Variants in PPP2R2B observed in about 807,000 individuals in gnomAD.
The protein encoded by PPP2R2B is serine/threonine-protein phosphatase 2A 55 kDa regulatory subunit B beta isoform.
In PPP2R2B, 5 loss-of-function variants were observed where a neutral mutation model predicts 46.0. The observed-to-expected ratio is 0.11, with a 90% CI of 0.06 to 0.23. PPP2R2B has a LOEUF of 0.23. Ranked by LOEUF, PPP2R2B falls within the 10% of genes least tolerant of loss-of-function variation. PPP2R2B has a pLI of 1.00. For synonymous variants in PPP2R2B, 215 were observed against 206.7 expected (o/e 1.04, Z -0.34); for missense variants, 367 against 575.0 (o/e 0.64, Z 3.70).
Position 146,724,010 on chromosome 5 carries a change from T to C in PPP2R2B, c.71-22868A>G, listed in dbSNP as rs57146550. ...TGAAGGCAGGGATGTTATCTTATTT[T>C]CAATTTTTATATTTAGGACAGTGCC... is the stretch of plus-strand genomic sequence containing the variant. On this transcript the variant is annotated intron_variant, in intron 2 of 9. Coordinates refer to ENST00000394411, the MANE Select transcript of PPP2R2B (RefSeq NM_181675.4). Among the ~76,000 whole-genome samples the C allele has an allele frequency of 3.6e-3, 541 of 152,302 alleles. 6 individuals are homozygous for C. The highest frequency in any genetic ancestry group is 0.013 in the African/African-American group (520 of 41,560).
At chr5:146,871,672 G>A (rs1761624231) in intron 2 of PPP2R2B, among the ~76,000 whole-genome samples, 4 of 152,152 alleles carry the variant, frequency 2.6e-5, no homozygotes, top group Admixed American at 2.6e-4. Context: ...CCGACCAGGC[G>A]CCAATGGGAT....
At chr5:146,811,621 C>T (rs1433467230) in intron 2 of PPP2R2B, among the ~76,000 whole-genome samples, 7 of 133,476 alleles carry the variant, frequency 5.2e-5, no homozygotes, top group Middle Eastern at 4.8e-3. Flanking sequence ...AGTGCAGTGG[C>T]GCGATCTCGG....
chr5:146,841,560 A>G (rs1360054614), intron 2 of PPP2R2B, among the ~76,000 whole-genome samples: 1 of 152,234 alleles, frequency 6.6e-6, no homozygotes, highest in African/African-American at 2.4e-5. Context: ...AATGGGAGAT[A>G]AAGAAAATGT....
chr5:146,911,895 G>A (rs1763195782), intron 1 of PPP2R2B, among the ~76,000 whole-genome samples: 1 of 152,180 alleles, frequency 6.6e-6, no homozygotes, highest in Non-Finnish European at 1.5e-5. Context: ...AGTGGAGGAC[G>A]AATCACATGC....
chr5:146,666,035 G>T (rs1172751019), intron 5 of PPP2R2B, among the ~76,000 whole-genome samples: 2 of 152,214 alleles, frequency 1.3e-5, no homozygotes, highest in African/African-American at 4.8e-5. Flanking sequence ...CTGTATGTCT[G>T]AGAACACGTA....
At chr5:146,770,894 C>T (rs138288843) in intron 2 of PPP2R2B, among the ~76,000 whole-genome samples, 31 of 152,282 alleles carry the variant, frequency 2.0e-4, no homozygotes, top group African/African-American at 6.7e-4. Context: ...TTACAGAGAA[C>T]AACCTATTTA....
intron 2 of PPP2R2B, among the ~76,000 whole-genome samples, chr5:146,821,178 C>A (rs1272598557): frequency 6.6e-6 from 1 of 152,120 alleles, no homozygotes; most frequent in Non-Finnish European, 1.5e-5. Context: ...ATATATATAT[C>A]CACAGACAAC....
rs186850055 is a variant in PPP2R2B at position 146,630,692 on chromosome 5, C to T, written c.790+7559G>A. On this transcript the variant is annotated intron_variant, in intron 7 of 9. Transcript: ENST00000394411. ...ATGTCATGGAAGTTAGCTGTGAATA[C>T]GGCTGTTGACATTACTACTTTTATG... 4.1e-3 allele frequency among the ~76,000 whole-genome samples: 620 copies of T among 152,258 alleles called. 5 individuals carry two copies. Among genetic ancestry groups the T allele is most frequent in the African/African-American group, 0.014 (583 of 41,554 alleles).
At chr5:146,750,383 G>A (rs1196207002) in intron 2 of PPP2R2B, among the ~76,000 whole-genome samples, 1 of 152,082 alleles carries the variant, frequency 6.6e-6, no homozygotes, top group Non-Finnish European at 1.5e-5. Flanking sequence ...TATCAATTTG[G>A]GAAGAATTAA....
intron 2 of PPP2R2B, among the ~76,000 whole-genome samples, chr5:146,828,967 C>A (rs1452995260): frequency 6.6e-6 from 1 of 152,140 alleles, no homozygotes; most frequent in Non-Finnish European, 1.5e-5. Flanking sequence ...TACAGGACAG[C>A]CTTCCGAATC....
chr5:147,031,702 T>G (rs150213801), intron 1 of PPP2R2B, among the ~76,000 whole-genome samples: 39 of 152,200 alleles, frequency 2.6e-4, no homozygotes, highest in African/African-American at 7.0e-4. Context: ...CTTAGGCACA[T>G]AGACCAATGG....
At chr5:146,707,839 C>T (rs1049910339) in intron 2 of PPP2R2B, among the ~76,000 whole-genome samples, 1 of 152,182 alleles carries the variant, frequency 6.6e-6, no homozygotes, top group Admixed American at 6.5e-5. Flanking sequence ...TCTCTATAGA[C>T]AAAAGTTTAT....
intron 1 of PPP2R2B, among the ~76,000 whole-genome samples, chr5:146,956,373 G>A (rs901037916): frequency 6.6e-6 from 1 of 152,076 alleles, no homozygotes; most frequent in African/African-American, 2.4e-5. Context: ...CAACTATGTG[G>A]AACTGTCATC....
chr5:146,878,397 T>TAC lies in PPP2R2B; in HGVS notation c.-125+193_-125+194insGT. The TAC allele has an allele frequency of 7.3e-7, 1 of 1,370,546 alleles. No homozygotes were observed. The highest frequency in any genetic ancestry group is 9.5e-7 in the Non-Finnish European group (1 of 1,047,786). The allele number at this position is 1,370,546 out of a possible 1,614,324, so 84.9% of individuals were successfully genotyped here. On this transcript the variant is annotated intron_variant, in intron 1 of 9. Coordinates refer to ENST00000394411, the MANE Select transcript of PPP2R2B (RefSeq NM_181675.4). This position sits in a 1 kb window ranked among gnomAD's most constrained non-coding sequence, Gnocchi z 4.5. ...ATACGCCGTGCCCCGAGGGGTCTGG[T>TAC]CCCGCCCGCCCGCCCCGGAGGCGCT...
At chr5:146,708,051 T>A (rs1408411847) in intron 2 of PPP2R2B, among the ~76,000 whole-genome samples, 3 of 152,198 alleles carry the variant, frequency 2.0e-5, no homozygotes, top group East Asian at 1.9e-4. Flanking sequence ...TAAAACTTTT[T>A]AAAAATTTAA....
chr5:146,945,898 C>A (rs10476880), intron 1 of PPP2R2B, among the ~76,000 whole-genome samples: 3,744 of 152,148 alleles, frequency 0.025, 164 homozygotes, highest in African/African-American at 0.085. Flanking sequence ...TTACTATGGA[C>A]CCCTGCCTAA....
chr5:146,788,494 G>A (rs1755987496), intron 2 of PPP2R2B, among the ~76,000 whole-genome samples: 1 of 152,110 alleles, frequency 6.6e-6, no homozygotes, highest in South Asian at 2.1e-4. Context: ...CGTTTGGGAG[G>A]CCGAGGTGGG....
chr5:146,820,877 T>C (rs1279067162), intron 2 of PPP2R2B, among the ~76,000 whole-genome samples: 1 of 152,192 alleles, frequency 6.6e-6, no homozygotes, highest in African/African-American at 2.4e-5. Flanking sequence ...TTGACCTAGA[T>C]AGAAGCCCTA....
At chr5:146,674,750 T>A (rs1289248022) in intron 5 of PPP2R2B, among the ~76,000 whole-genome samples, 1 of 152,164 alleles carries the variant, frequency 6.6e-6, no homozygotes, top group African/African-American at 2.4e-5. Flanking sequence ...CTCTCAAAAG[T>A]TCTGGGAACT....
Sources: allele counts gnomAD v4.1 joint callset (sites outside exome capture counted in the v4.1 genomes callset), GRCh38; gene constraint gnomAD v4.1.1; non-coding constraint Gnocchi (gnomAD v3.1); transcripts MANE v1.5; gene names NCBI Gene and HGNC (gene_info 2026-07-23, HGNC 2026-07-21).